The following CDH13 variants were observed in gnomAD, a reference collection of about 807,000 sequenced individuals.
CDH13 encodes the protein cadherin-13.
Under a neutral mutation model 63.8 loss-of-function variants are expected in CDH13, and 24 were observed. That is an observed-to-expected ratio of 0.38 (90% CI 0.27 to 0.53). The LOEUF (loss-of-function observed/expected upper bound fraction) is 0.53. Among genes scored for constraint, CDH13 ranks in the 20% least tolerant of loss-of-function variants. The pLI is 0.85. For missense variants in CDH13, 1,049 were observed against 903.1 expected, an observed-to-expected ratio of 1.16 and a Z score of -2.07; for synonymous variants, 503 against 355.3, an observed-to-expected ratio of 1.42 and a Z score of -4.67.
intron 6 of CDH13, among the ~76,000 whole-genome samples, chr16:83,350,658 C>G (rs986333119): frequency 6.6e-6 from 1 of 152,122 alleles, no homozygotes. Context: ...GCTGCTTGTT[C>G]CCTCCTGGTA....
chr16:83,540,515 C>T (rs1050258859), intron 7 of CDH13, among the ~76,000 whole-genome samples: 1 of 152,216 alleles, frequency 6.6e-6, no homozygotes, highest in African/African-American at 2.4e-5. Context: ...CCTTTGCTCA[C>T]TAGAAGCAGG....
intron 7 of CDH13, among the ~76,000 whole-genome samples, chr16:83,520,385 C>T (rs1341817920): frequency 3.3e-5 from 5 of 152,134 alleles, no homozygotes; most frequent in South Asian, 4.1e-4. Flanking sequence ...TAGGAGAGGA[C>T]ATAGGAAAGC....
chr16:83,654,253 T>A (rs748247468), intron 8 of CDH13, among the ~76,000 whole-genome samples: 3 of 151,902 alleles, frequency 2.0e-5, no homozygotes, highest in Admixed American at 6.6e-5. Flanking sequence ...TGGCAAAAAA[T>A]TGCAATTACT....
At chr16:82,996,833 G>T (rs1455638362) in intron 2 of CDH13, among the ~76,000 whole-genome samples, 2 of 152,038 alleles carry the variant, frequency 1.3e-5, no homozygotes, top group African/African-American at 4.8e-5. Context: ...TAGTGATGGT[G>T]ATGGTGGTGA....
At chr16:82,989,174 A>T (rs1911341861) in intron 2 of CDH13, among the ~76,000 whole-genome samples, 1 of 152,202 alleles carries the variant, frequency 6.6e-6, no homozygotes, top group South Asian at 2.1e-4. Flanking sequence ...TCCAACTGAT[A>T]CCTGGAACAT....
intron 3 of CDH13, among the ~76,000 whole-genome samples, chr16:83,082,951 C>T (rs9930888): frequency 0.5 from 75,926 of 151,684 alleles, 19,573 homozygotes; most frequent in East Asian, 0.71. Flanking sequence ...GTGTTTTAAA[C>T]GGTGTCTTCC....
chr16:82,973,088 A>G (rs535487990), intron 2 of CDH13, among the ~76,000 whole-genome samples: 38 of 152,306 alleles, frequency 2.5e-4, no homozygotes, highest in African/African-American at 9.1e-4. Flanking sequence ...CTGTCTCAGC[A>G]TTTCTGCCAC....
At position 83,632,632 on chromosome 16, in the gene CDH13, A is replaced by G. The variant is rs1260974311; in HGVS notation, c.1101+30038A>G. Among the ~76,000 whole-genome samples the G allele has an allele frequency of 2.0e-5, 3 of 150,862 alleles. No homozygotes were observed. In the East Asian group the frequency reaches 5.8e-4, roughly 29 times the overall value. ...TGTCACCATTGATGCTATATTACTG[A>G]TAATGATCAATAGATAGGTTACTGG... is the stretch of plus-strand genomic sequence containing the variant. On this transcript the variant is annotated intron_variant, in intron 8 of 13. Coordinates refer to ENST00000567109, the MANE Select transcript of CDH13 (RefSeq NM_001257.5).
At chr16:83,140,705 T>G (rs1170580111) in intron 4 of CDH13, among the ~76,000 whole-genome samples, 2 of 152,204 alleles carry the variant, frequency 1.3e-5, no homozygotes, top group Admixed American at 6.5e-5. Flanking sequence ...TCCACCCGCC[T>G]GGGCCTCCAA....
At chr16:83,776,729 C>T (rs933480229) in intron 11 of CDH13, among the ~76,000 whole-genome samples, 8 of 152,168 alleles carry the variant, frequency 5.3e-5, no homozygotes, top group Non-Finnish European at 8.8e-5. Flanking sequence ...TTCTTATCCT[C>T]GTAGGGGTCA....
intron 11 of CDH13, among the ~76,000 whole-genome samples, chr16:83,756,387 A>G (rs1476413278): frequency 1.3e-5 from 2 of 152,272 alleles, no homozygotes; most frequent in African/African-American, 2.4e-5. Context: ...GAAATAAAAG[A>G]AAAATATACC....
chr16:83,379,934 TATATAGAG>T (rs1388659608), intron 6 of CDH13, among the ~76,000 whole-genome samples: 1 of 86,676 alleles, frequency 1.2e-5, no homozygotes, highest in Non-Finnish European at 2.5e-5. Flanking sequence ...TATATATATA[TATATAGAG>T]AGAGAGAGAG....
chr16:83,252,249 G>T (rs1229376936), intron 5 of CDH13, among the ~76,000 whole-genome samples: 1 of 141,260 alleles, frequency 7.1e-6, no homozygotes, highest in Non-Finnish European at 1.5e-5. Context: ...TTCTCTTGAT[G>T]TGTTTGCTAC....
At chr16:83,011,328 C>G (rs1914130967) in intron 2 of CDH13, among the ~76,000 whole-genome samples, 1 of 152,172 alleles carries the variant, frequency 6.6e-6, no homozygotes, top group Non-Finnish European at 1.5e-5. Context: ...TCTTAGCACA[C>G]TGTTCAGCTC....
chr16:83,093,615 C>T (rs1364059584), intron 3 of CDH13, among the ~76,000 whole-genome samples: 8 of 152,042 alleles, frequency 5.3e-5, no homozygotes, highest in Non-Finnish European at 1.0e-4. Flanking sequence ...CCACTGCTCC[C>T]AGCCCACCAT....
At chr16:83,577,296 A>G (rs1343507775) in intron 7 of CDH13, among the ~76,000 whole-genome samples, 1 of 152,214 alleles carries the variant, frequency 6.6e-6, no homozygotes, top group Non-Finnish European at 1.5e-5. Flanking sequence ...ACATTGAAGG[A>G]AGAAGAGAGG....
intron 3 of CDH13, among the ~76,000 whole-genome samples, chr16:83,104,685 G>C (rs146561250): frequency 1.6e-4 from 24 of 152,218 alleles, no homozygotes; most frequent in African/African-American, 5.5e-4. Context: ...TCCCCAAGCC[G>C]AATAATGTTG....
intron 7 of CDH13, among the ~76,000 whole-genome samples, chr16:83,533,740 C>T (rs2075131559): frequency 6.6e-6 from 1 of 151,554 alleles, no homozygotes; most frequent in Non-Finnish European, 1.5e-5. Flanking sequence ...CTTGCCTCAC[C>T]CTCCTGAGTA....
chr16:83,466,915 A>G (rs2151533152), intron 6 of CDH13, among the ~76,000 whole-genome samples: 1 of 152,102 alleles, frequency 6.6e-6, no homozygotes, highest in South Asian at 2.1e-4. Flanking sequence ...AATTACTACA[A>G]TCAGTCTTTA....
Sources: gnomAD v4.1 joint callset for allele counts (sites outside exome capture counted in the v4.1 genomes callset) on GRCh38, gnomAD v4.1.1 for gene constraint, MANE v1.5 for transcripts, NCBI Gene and HGNC (gene_info 2026-07-23, HGNC 2026-07-21) for gene names.